The following CTNNA3 variants were observed in gnomAD, a reference collection of about 807,000 sequenced individuals.
CTNNA3 encodes catenin alpha 3, also known as catenin alpha-3.
CTNNA3 carries 76 observed loss-of-function variants against 95.7 expected under a neutral mutation model. The observed-to-expected ratio is 0.79, with a 90% CI of 0.66 to 0.96. The LOEUF is 0.96. Among genes scored for constraint, CTNNA3 ranks in the 40% least tolerant of loss-of-function variants. The probability of loss-of-function intolerance (pLI) is 0.00; values close to 1 mark genes in which losing one functional copy is unlikely to be tolerated. For missense variants in CTNNA3, 1,191 were observed against 1,089.8 expected (o/e 1.09, Z -1.31); for synonymous variants, 431 against 374.4 (o/e 1.15, Z -1.74).
chr10:66,031,727 T>A (rs1287211492), intron 15 of CTNNA3, among the ~76,000 whole-genome samples: 1 of 152,178 alleles, frequency 6.6e-6, no homozygotes, highest in African/African-American at 2.4e-5. Flanking sequence ...TTTTAAAACA[T>A]GTATAATTAT....
chr10:66,549,187 G>C (rs113272903), intron 10 of CTNNA3, among the ~76,000 whole-genome samples: 4 of 151,562 alleles, frequency 2.6e-5, no homozygotes, highest in Non-Finnish European at 5.9e-5. Context: ...GTAGAGATAG[G>C]GTTTCACCTT....
chr10:66,815,987 T>C (rs1173737821), intron 7 of CTNNA3, among the ~76,000 whole-genome samples: 1 of 152,204 alleles, frequency 6.6e-6, no homozygotes, highest in Non-Finnish European at 1.5e-5. Flanking sequence ...TAACTAATTT[T>C]CTTTGTGTTT....
chr10:66,446,134 A>C (rs1035586786), intron 11 of CTNNA3, among the ~76,000 whole-genome samples: 2 of 152,230 alleles, frequency 1.3e-5, no homozygotes, highest in Non-Finnish European at 2.9e-5. Flanking sequence ...GAAAAAGTTG[A>C]ATCTCTGAAT....
At chr10:67,682,514 T>C (rs1840647063) in intron 1 of CTNNA3, among the ~76,000 whole-genome samples, 1 of 152,200 alleles carries the variant, frequency 6.6e-6, no homozygotes, top group Non-Finnish European at 1.5e-5. Context: ...ATTTTTGATA[T>C]GGTATCATCA....
At chr10:66,627,576 T>C (rs1844982034) in intron 9 of CTNNA3, among the ~76,000 whole-genome samples, 1 of 152,170 alleles carries the variant, frequency 6.6e-6, no homozygotes, top group Admixed American at 6.5e-5. Context: ...CCTAAGAATG[T>C]ACTAATCTCA....
chr10:66,203,815 A>G (rs1011353702), intron 13 of CTNNA3, among the ~76,000 whole-genome samples: 11 of 152,230 alleles, frequency 7.2e-5, no homozygotes, highest in African/African-American at 2.6e-4. Context: ...AAGGTTTTGT[A>G]TTTTTATTTG....
At position 66,208,913 on chromosome 10, in the gene CTNNA3, A is replaced by G. The variant is rs146874442; in HGVS notation, c.1884+71557T>C. The stretch of plus-strand genomic sequence containing the variant: ...GATAGCTTTAGTCTCCTCCACTTCA[A>G]TGTACCCCATTGCATCCCACCAAAA... On this transcript the variant is annotated intron_variant, in intron 13 of 17. Transcript: ENST00000433211. Among the ~76,000 whole-genome samples, 961 of 152,194 alleles carry G rather than the reference A, an allele frequency of 6.3e-3. 3 individuals are homozygous for G. Among genetic ancestry groups the G allele is most frequent in the Middle Eastern group, 0.01 (3 of 292 alleles).
intron 10 of CTNNA3, among the ~76,000 whole-genome samples, chr10:66,615,081 G>T (rs1844463112): frequency 6.6e-6 from 1 of 151,826 alleles, no homozygotes; most frequent in Non-Finnish European, 1.5e-5. Flanking sequence ...GCTCACTATG[G>T]CTTAAAACAA....
chr10:66,399,588 CACTT>C, intron 11 of CTNNA3, among the ~76,000 whole-genome samples: 1 of 151,934 alleles, frequency 6.6e-6, no homozygotes, highest in East Asian at 1.9e-4. Flanking sequence ...ATTTTTCTCA[CACTT>C]ACTCTGTCAT....
At chr10:67,099,525 T>A (rs1858211430) in intron 7 of CTNNA3, 1 of 152,218 alleles carries the variant, frequency 6.6e-6, no homozygotes, top group East Asian at 1.9e-4. Flanking sequence ...AGAAGTTATA[T>A]CTATAAAATC....
At chr10:67,641,768 A>G (rs1839541385) in intron 2 of CTNNA3, among the ~76,000 whole-genome samples, 1 of 152,172 alleles carries the variant, frequency 6.6e-6, no homozygotes, top group South Asian at 2.1e-4. Context: ...CAAAAAACCA[A>G]ACACCACGTG....
intron 16 of CTNNA3, among the ~76,000 whole-genome samples, chr10:65,968,813 G>A (rs1046200155): frequency 1.3e-5 from 2 of 152,132 alleles, no homozygotes; most frequent in Admixed American, 6.5e-5. Flanking sequence ...GGACAAGAAA[G>A]CTTCCCAGCT....
intron 1 of CTNNA3, among the ~76,000 whole-genome samples, chr10:67,678,755 A>G (rs1840576500): frequency 6.6e-6 from 1 of 152,240 alleles, no homozygotes; most frequent in South Asian, 2.1e-4. Context: ...AGCCTTCTAA[A>G]GAGCTGAGAT....
chr10:66,691,792 T>C (rs1847551896), intron 9 of CTNNA3, among the ~76,000 whole-genome samples: 1 of 152,160 alleles, frequency 6.6e-6, no homozygotes, highest in South Asian at 2.1e-4. Flanking sequence ...GACAGCAGCA[T>C]TCGCGGTTCA....
At chr10:66,233,471 A>T (rs187514881) in intron 13 of CTNNA3, among the ~76,000 whole-genome samples, 1 of 152,340 alleles carries the variant, frequency 6.6e-6, no homozygotes, top group African/African-American at 2.4e-5. Flanking sequence ...AGTCTTATAA[A>T]TCAATTTTAA....
At chr10:66,975,827 A>G (rs1449217858) in intron 7 of CTNNA3, among the ~76,000 whole-genome samples, 2 of 152,116 alleles carry the variant, frequency 1.3e-5, no homozygotes, top group Non-Finnish European at 2.9e-5. Context: ...TGGTATTTTA[A>G]ACTCCATTAA....
intron 5 of CTNNA3, among the ~76,000 whole-genome samples, chr10:67,504,637 A>C (rs1839377250): frequency 6.6e-6 from 1 of 152,102 alleles, no homozygotes; most frequent in Admixed American, 6.5e-5. Flanking sequence ...TACCTTACTT[A>C]TCACACATTG....
At chr10:67,270,055 C>G (rs1350162004) in intron 5 of CTNNA3, among the ~76,000 whole-genome samples, 1 of 150,884 alleles carries the variant, frequency 6.6e-6, no homozygotes, top group African/African-American at 2.4e-5. Flanking sequence ...CACTCTAGAC[C>G]TATAAATCGC....
At chr10:66,906,421 T>C (rs117205133) in intron 7 of CTNNA3, among the ~76,000 whole-genome samples, 5,463 of 152,224 alleles carry the variant, frequency 0.036, 135 homozygotes, top group Middle Eastern at 0.078. Flanking sequence ...TGGGAAATTC[T>C]ACAGGACAAA....
Sources: allele counts gnomAD v4.1 joint callset (sites outside exome capture counted in the v4.1 genomes callset), GRCh38; gene constraint gnomAD v4.1.1; transcripts MANE v1.5; gene names NCBI Gene and HGNC (gene_info 2026-07-23, HGNC 2026-07-21).